Variants in TG observed in about 807,000 individuals in gnomAD.
TG encodes the protein thyroid hormones.
Under a neutral mutation model 324.7 loss-of-function variants are expected in TG, and 270 were observed. The ratio of observed to expected loss-of-function variants is 0.83; its 90% CI spans 0.75 to 0.92. TG has a LOEUF of 0.92. Among genes scored for constraint, TG ranks in the 40% least tolerant of loss-of-function variants. The pLI, the probability that TG is intolerant of heterozygous loss-of-function variation, is 0.00. For synonymous variants in TG, 1,401 were observed against 1,327.0 expected, an observed-to-expected ratio of 1.06 and a Z score of -1.21; for missense variants, 3,591 against 3,456.4, an observed-to-expected ratio of 1.04 and a Z score of -0.98.
chr8:132,923,754 G>A (rs186175885), intron 22 of TG, among the ~76,000 whole-genome samples: 1 of 152,040 alleles, frequency 6.6e-6, no homozygotes, highest in African/African-American at 2.4e-5. Context: ...CAGATATCAG[G>A]AACCCTTACT....
At chr8:132,896,783 A>G (rs569666783) in intron 11 of TG, among the ~76,000 whole-genome samples, 2 of 152,308 alleles carry the variant, frequency 1.3e-5, no homozygotes, top group Non-Finnish European at 2.9e-5. Context: ...CAAAATAAAC[A>G]CAAATCTCTG....
At chr8:133,067,318 C>T (rs1843179049) in intron 41 of TG, among the ~76,000 whole-genome samples, 1 of 152,126 alleles carries the variant, frequency 6.6e-6, no homozygotes, top group Admixed American at 6.5e-5. Flanking sequence ...ATCTGCTTCT[C>T]CTTTCTCTAC....
intron 41 of TG, among the ~76,000 whole-genome samples, chr8:133,061,397 G>A (rs762560995): frequency 1.3e-5 from 2 of 152,186 alleles, no homozygotes; most frequent in East Asian, 3.8e-4. Flanking sequence ...ATAAAGCATG[G>A]GAACCACTTT....
chr8:133,038,809 G>A (rs1273962438), intron 41 of TG: 1 of 950,882 alleles, frequency 1.1e-6, no homozygotes, highest in East Asian at 2.5e-5. Flanking sequence ...GAGATAAAGG[G>A]CAAGAGAATG....
intron 45 of TG, among the ~76,000 whole-genome samples, chr8:133,120,043 A>T (rs1460580595): frequency 2.6e-5 from 4 of 152,164 alleles, no homozygotes; most frequent in Non-Finnish European, 5.9e-5. Flanking sequence ...ACCCATGGCA[A>T]GGGAGGCCCA....
intron 41 of TG, among the ~76,000 whole-genome samples, chr8:133,042,688 T>C (rs1043954195): frequency 8.3e-6 from 1 of 121,122 alleles, no homozygotes; most frequent in Admixed American, 8.3e-5. Context: ...CTTTTTTTTT[T>C]TTTTTTTTTT....
intron 27 of TG, among the ~76,000 whole-genome samples, chr8:132,955,076 A>G (rs1169932218): frequency 6.6e-6 from 1 of 152,138 alleles, no homozygotes; most frequent in African/African-American, 2.4e-5. Flanking sequence ...CTCCATCCTT[A>G]TATCAATGCC....
intron 27 of TG, among the ~76,000 whole-genome samples, chr8:132,950,099 G>T (rs547597951): frequency 1.3e-5 from 2 of 152,346 alleles, no homozygotes; most frequent in African/African-American, 4.8e-5. Context: ...ATGTAGCACT[G>T]ATGGCTTGAA....
At position 132,888,386 on chromosome 8, in the gene TG, A is replaced by G; in HGVS notation, c.2579A>G (p.Asn860Ser). The change falls in exon 10 of 48, where the codon AAT (asparagine) becomes AGT (serine). Residue 860 changes from asparagine to serine, a missense_variant. Transcript: ENST00000220616. ...GGGAAACGGCCCCAGCCCAGGGAGA[A>G]TATCCTCCTGGAGCCCTACCTCTTC... ...LEGKRPQPRE[N>S]ILLEPYLFWQ... The G allele has an allele frequency of 6.2e-7, 1 of 1,614,188 alleles. No individual in the cohort carries two copies. The highest frequency in any genetic ancestry group is 1.1e-5 in the South Asian group (1 of 91,082).
intron 27 of TG, among the ~76,000 whole-genome samples, chr8:132,954,866 C>G (rs1826618143): frequency 6.6e-6 from 1 of 152,148 alleles, no homozygotes; most frequent in Non-Finnish European, 1.5e-5. Flanking sequence ...ATCATATGAT[C>G]ATTATTCAGA....
intron 25 of TG, 69 bp downstream of exon 25, chr8:132,935,933 C>A: frequency 7.9e-7 from 1 of 1,269,756 alleles, no homozygotes; most frequent in East Asian, 2.3e-5. Context: ...AGCTGGTTTC[C>A]AGCAGGTGCA....
chr8:132,921,825 T>C (rs1215378701), intron 21 of TG, among the ~76,000 whole-genome samples: 1 of 152,230 alleles, frequency 6.6e-6, no homozygotes, highest in Non-Finnish European at 1.5e-5. Context: ...TGCAAAGTAT[T>C]CTATTTAAAA....
At chr8:133,099,093 A>T (rs944235027) in intron 43 of TG, among the ~76,000 whole-genome samples, 1 of 152,320 alleles carries the variant, frequency 6.6e-6, no homozygotes, top group African/African-American at 2.4e-5. Context: ...CACCAGCAGG[A>T]GGCTCACTGC....
At chr8:133,077,609 A>G (rs1205560565) in intron 41 of TG, among the ~76,000 whole-genome samples, 2 of 152,234 alleles carry the variant, frequency 1.3e-5, no homozygotes, top group East Asian at 1.9e-4. Context: ...CAGAGACGGC[A>G]GGGCTGAAGC....
intron 41 of TG, among the ~76,000 whole-genome samples, chr8:133,085,822 A>G (rs560586259): frequency 2.6e-5 from 4 of 152,340 alleles, no homozygotes; most frequent in African/African-American, 9.6e-5. Context: ...ACTTCTCAGA[A>G]GGTTCAACAC....
intron 45 of TG, among the ~76,000 whole-genome samples, chr8:133,117,420 G>A (rs755141909): frequency 4.6e-5 from 7 of 152,222 alleles, no homozygotes; most frequent in African/African-American, 4.8e-5. Context: ...TGCAAAGAGG[G>A]TATCTGGGGA....
At chr8:132,966,462 CTCTCTGTGTG>C in intron 29 of TG, 88 bp from the exon 30 acceptor site, 1 of 1,362,588 alleles carries the variant, frequency 7.3e-7, no homozygotes, top group Non-Finnish European at 1.0e-6. Flanking sequence ...CTCTGTCTCT[CTCTCTGTGTG>C]TGTGTGTGTG....
chr8:132,871,260 C>G lies in TG; in HGVS notation c.275-88C>G, dbSNP rs994755476. 9 of 1,412,864 alleles carry G rather than the reference C, an allele frequency of 6.4e-6. No homozygotes were observed. The African/African-American group carries it at 1.1e-4, about 18-fold the overall frequency. The allele number at this position is 1,412,864 out of a possible 1,614,324, so 87.5% of individuals were successfully genotyped here. ...GGTCATTCCCCTCTCAGCTGTGTCC[C>G]CTTGGGAAGGGAGCATGAGTTTTCC... On this transcript the variant is annotated intron_variant, in intron 3 of 47. Coordinates refer to ENST00000220616, the MANE Select transcript of TG (RefSeq NM_003235.5).
Position 133,029,921 on chromosome 8 carries a change from C to G in TG, c.7137C>G (p.Arg2379=), listed in dbSNP as rs748875849. The G allele has an allele frequency of 1.2e-6, 2 of 1,614,094 alleles. No homozygotes were observed. The highest frequency in any genetic ancestry group is 1.7e-6 in the Non-Finnish European group (2 of 1,180,050). ...GAGGATTTGGCGGGGACCCTCGGCG[C>G]GTGTCCCTGGCAGCAGACCGTGGCG... ...HIRGFGGDPR[R]VSLAADRGGA... Residue 2379 remains arginine (R), a synonymous_variant, in exon 41 of 48, where the codon CGC becomes CGG. Transcript: ENST00000220616.
Sources: gnomAD v4.1 joint callset for allele counts (sites outside exome capture counted in the v4.1 genomes callset) on GRCh38, gnomAD v4.1.1 for gene constraint, MANE v1.5 for transcripts, NCBI Gene and HGNC (gene_info 2026-07-23, HGNC 2026-07-21) for gene names.